The following ADAM12 variants were observed in gnomAD, a reference collection of about 807,000 sequenced individuals.
ADAM12 encodes disintegrin and metalloproteinase domain-containing protein 12.
A neutral mutation model predicts 106.4 loss-of-function variants in ADAM12; 70 were observed. The ratio of observed to expected loss-of-function variants is 0.66; its 90% CI spans 0.54 to 0.80. ADAM12 has a LOEUF of 0.80. ADAM12 is among the 30% of genes least tolerant of loss of function. The pLI, the probability that ADAM12 is intolerant of heterozygous loss-of-function variation, is 0.00. For synonymous variants in ADAM12, 420 were observed against 433.5 expected (o/e 0.97, Z 0.39); for missense variants, 1,010 against 1,171.9 (o/e 0.86, Z 2.02).
At chr10:126,067,394 T>C (rs1590363363) in intron 12 of ADAM12, among the ~76,000 whole-genome samples, 1 of 152,328 alleles carries the variant, frequency 6.6e-6, no homozygotes, top group East Asian at 1.9e-4. Context: ...AAATGGACCT[T>C]ATAACAAGCA....
At chr10:126,235,608 C>T (rs926375472) in intron 3 of ADAM12, among the ~76,000 whole-genome samples, 1 of 152,142 alleles carries the variant, frequency 6.6e-6, no homozygotes, top group East Asian at 1.9e-4. Flanking sequence ...CAGCGGCACA[C>T]CGTCCAGCCC....
chr10:126,330,370 A>G (rs866536321), intron 2 of ADAM12, 42 bp downstream of exon 2: 2 of 1,529,164 alleles, frequency 1.3e-6, no homozygotes, highest in Middle Eastern at 1.7e-4. Flanking sequence ...GTGATTTAAA[A>G]GCTTCGGCAG....
At chr10:126,306,020 T>C (rs1388271564) in intron 2 of ADAM12, among the ~76,000 whole-genome samples, 1 of 152,044 alleles carries the variant, frequency 6.6e-6, no homozygotes, top group South Asian at 2.1e-4. Context: ...TTGTAAATCA[T>C]ATACAGGGAG....
chr10:126,029,655 CAT>C (rs1953939961), intron 21 of ADAM12, among the ~76,000 whole-genome samples: 1 of 152,188 alleles, frequency 6.6e-6, no homozygotes. Flanking sequence ...CACTGTGGCA[CAT>C]GTTTACCGAT....
At chr10:126,290,432 A>AT (rs1960096918) in intron 2 of ADAM12, among the ~76,000 whole-genome samples, 2 of 152,230 alleles carry the variant, frequency 1.3e-5, no homozygotes, top group South Asian at 4.1e-4. Flanking sequence ...AACTGGTGTG[A>AT]TTTGTTATAG....
intron 3 of ADAM12, among the ~76,000 whole-genome samples, chr10:126,268,377 G>T (rs539643423): frequency 6.6e-6 from 1 of 152,172 alleles, no homozygotes; most frequent in East Asian, 1.9e-4. Flanking sequence ...TTCATCTGTC[G>T]ATGAACACTT....
intron 1 of ADAM12, among the ~76,000 whole-genome samples, chr10:126,365,519 T>G (rs1855879505): frequency 6.6e-6 from 1 of 152,068 alleles, no homozygotes; most frequent in East Asian, 1.9e-4. Flanking sequence ...GAGGTTTGAC[T>G]CACAGTTCCG....
At chr10:126,341,703 A>G (rs1854937574) in intron 1 of ADAM12, among the ~76,000 whole-genome samples, 2 of 152,244 alleles carry the variant, frequency 1.3e-5, no homozygotes, top group Non-Finnish European at 2.9e-5. Context: ...CCATCATAGT[A>G]GCCTGATATT....
intron 2 of ADAM12, among the ~76,000 whole-genome samples, chr10:126,305,563 C>T (rs114148195): frequency 1.3e-4 from 20 of 152,076 alleles, no homozygotes; most frequent in Admixed American, 2.0e-4. Context: ...ATTTGGGTGA[C>T]GGTTACGTGG....
At chr10:126,345,348 C>T (rs902458923) in intron 1 of ADAM12, among the ~76,000 whole-genome samples, 6 of 152,140 alleles carry the variant, frequency 3.9e-5, no homozygotes, top group African/African-American at 1.4e-4. Flanking sequence ...GTATGTTGAA[C>T]CAGCCTTGCA....
At chr10:126,257,886 A>G (rs1958923667) in intron 3 of ADAM12, among the ~76,000 whole-genome samples, 1 of 152,202 alleles carries the variant, frequency 6.6e-6, no homozygotes, top group African/African-American at 2.4e-5. Flanking sequence ...GAGGTCATGG[A>G]TTTCTGGACA....
chr10:126,114,418 AG>A (rs1480897557), intron 6 of ADAM12, among the ~76,000 whole-genome samples: 1 of 152,206 alleles, frequency 6.6e-6, no homozygotes, highest in Non-Finnish European at 1.5e-5. Flanking sequence ...TCACATAAAT[AG>A]ATATTCAAAG....
At chr10:126,228,546 T>C (rs2133864835) in intron 3 of ADAM12, among the ~76,000 whole-genome samples, 1 of 152,364 alleles carries the variant, frequency 6.6e-6, no homozygotes. Context: ...ATCCTACTCA[T>C]AAGTCTATTT....
chr10:126,167,571 A>C (rs1382028971), intron 3 of ADAM12, among the ~76,000 whole-genome samples: 1 of 152,216 alleles, frequency 6.6e-6, no homozygotes, highest in African/African-American at 2.4e-5. Context: ...TAGTCATTTT[A>C]TGTGTATCAG....
At chr10:126,100,849 G>C (rs1167669825) in intron 9 of ADAM12, among the ~76,000 whole-genome samples, 3 of 152,208 alleles carry the variant, frequency 2.0e-5, no homozygotes, top group African/African-American at 7.2e-5. Context: ...GAGTTCTGTA[G>C]AGGGACAGGT....
intron 11 of ADAM12, among the ~76,000 whole-genome samples, chr10:126,081,816 A>G (rs1490447730): frequency 6.6e-6 from 1 of 152,204 alleles, no homozygotes. Flanking sequence ...TCTTTCTCCC[A>G]TTGGGAGTTG....
At chr10:126,317,224 G>A (rs1358588291) in intron 2 of ADAM12, among the ~76,000 whole-genome samples, 1 of 152,298 alleles carries the variant, frequency 6.6e-6, no homozygotes, top group Admixed American at 6.5e-5. Flanking sequence ...GGTGGGACCT[G>A]CCAGGTGAGG....
intron 6 of ADAM12, among the ~76,000 whole-genome samples, chr10:126,115,609 AG>A (rs1955967056): frequency 1.3e-5 from 2 of 152,236 alleles, no homozygotes; most frequent in Admixed American, 1.3e-4. Flanking sequence ...TGCTCTGTGA[AG>A]AAAAACGCAA....
chr10:126,151,231 T>TA (rs1424135352), intron 4 of ADAM12, among the ~76,000 whole-genome samples: 1 of 152,162 alleles, frequency 6.6e-6, no homozygotes, highest in African/African-American at 2.4e-5. Flanking sequence ...ATAATTTTAT[T>TA]AAAAATCTAT....
Sources: allele counts gnomAD v4.1 joint callset (sites outside exome capture counted in the v4.1 genomes callset), GRCh38; gene constraint gnomAD v4.1.1; transcripts MANE v1.5; gene names NCBI Gene and HGNC (gene_info 2026-07-23, HGNC 2026-07-21).